The following SH3BGRL variants were observed in gnomAD, a reference collection of about 807,000 sequenced individuals.
SH3BGRL encodes adapter SH3BGRL.
A neutral mutation model predicts 9.8 loss-of-function variants in SH3BGRL; 7 were observed. The ratio of observed to expected loss-of-function variants is 0.72; its 90% confidence interval spans 0.41 to 1.35. The LOEUF (loss-of-function observed/expected upper bound fraction) is 1.35. SH3BGRL is among the 40% of genes most tolerant of loss of function. The pLI, the probability that SH3BGRL is intolerant of heterozygous loss-of-function variation, is 0.01. For missense variants in SH3BGRL, 73 were observed against 84.4 expected, an observed-to-expected ratio of 0.86 and a Z score of 0.53; for synonymous variants, 36 against 29.1, an observed-to-expected ratio of 1.24 and a Z score of -0.76.
At chrX:81,251,244 A>G (rs5959860) in intron 1 of SH3BGRL, among the ~76,000 whole-genome samples, 18,324 of 111,561 alleles carry the variant, frequency 0.16, 1,503 homozygotes, top group East Asian at 0.63. Context: ...AAAAATATTT[A>G]TTAGAATAAC....
At chrX:81,241,169 G>C (rs1163205909) in intron 1 of SH3BGRL, among the ~76,000 whole-genome samples, 1 of 112,274 alleles carries the variant, frequency 8.9e-6, no homozygotes. Flanking sequence ...TTGGGGCGGT[G>C]CTGACACAGC....
intron 1 of SH3BGRL, among the ~76,000 whole-genome samples, chrX:81,253,433 A>C (rs2075716734): frequency 9.0e-6 from 1 of 111,506 alleles, no homozygotes; most frequent in South Asian, 3.8e-4. Flanking sequence ...GGATCACTGC[A>C]GCCTCAATTT....
chrX:81,255,034 C>T (rs369259348), intron 1 of SH3BGRL, among the ~76,000 whole-genome samples: 2 of 109,758 alleles, frequency 1.8e-5, no homozygotes, highest in African/African-American at 3.3e-5. Flanking sequence ...GGACTACAGA[C>T]GTGCGCCACC....
intron 1 of SH3BGRL, among the ~76,000 whole-genome samples, chrX:81,272,746 G>A (rs1054611961): frequency 3.6e-5 from 4 of 110,525 alleles, no homozygotes; most frequent in Non-Finnish European, 5.7e-5. Flanking sequence ...TTATCCGCCC[G>A]CCTCGGCTTC....
At position 81,216,773 on chromosome X, in the gene SH3BGRL, C is replaced by G. The variant is rs2075582458; in HGVS notation, c.45+14528C>G. On this transcript the variant is annotated intron_variant, in intron 1 of 3. Transcript: ENST00000373212. ...TTTAAGTTGTCGCAAATGAAAGGAT[C>G]TCATTCTTTTTATAACTGAGTAATA... 3.6e-5 allele frequency among the ~76,000 whole-genome samples: 4 copies of G among 111,626 alleles called. No homozygotes were observed. In the Admixed American group the frequency reaches 3.8e-4, roughly 11 times the overall value.
chrX:81,241,540 G>C lies in SH3BGRL; in HGVS notation c.46-35444G>C, dbSNP rs990170553. Among the ~76,000 whole-genome samples, 3 of 111,799 alleles carry C rather than the reference G, an allele frequency of 2.7e-5. No homozygotes were observed. The Admixed American group carries it at 2.8e-4, about 10-fold the overall frequency. On this transcript the variant is annotated intron_variant, in intron 1 of 3. Coordinates refer to ENST00000373212, the MANE Select transcript of SH3BGRL (RefSeq NM_003022.3). ...CCCATAAAAACCCCAGACTCAGCCA[G>C]ACTCTGGCAGACATTGGGATTATCA...
intron 3 of SH3BGRL, among the ~76,000 whole-genome samples, chrX:81,293,538 C>T (rs1426875829): frequency 8.9e-6 from 1 of 111,850 alleles, no homozygotes; most frequent in African/African-American, 3.3e-5. Flanking sequence ...CAAAAAGTAG[C>T]TGGGCATGGT....
chrX:81,280,099 A>G (rs1280843043), intron 3 of SH3BGRL, among the ~76,000 whole-genome samples: 1 of 110,475 alleles, frequency 9.1e-6, no homozygotes, highest in Non-Finnish European at 1.9e-5. Flanking sequence ...GACTCAGCAG[A>G]GGAAGCCATC....
At chrX:81,293,907 T>G (rs1208441054) in intron 3 of SH3BGRL, among the ~76,000 whole-genome samples, 1 of 111,757 alleles carries the variant, frequency 8.9e-6, no homozygotes, top group Non-Finnish European at 1.9e-5. Context: ...AAGGTGATTC[T>G]TGATATGTTT....
intron 1 of SH3BGRL, among the ~76,000 whole-genome samples, chrX:81,242,176 T>C (rs768956698): frequency 8.9e-6 from 1 of 112,158 alleles, no homozygotes; most frequent in Non-Finnish European, 1.9e-5. Flanking sequence ...ACTACAGAGC[T>C]ATAATAACCA....
chrX:81,265,968 T>C (rs1347634662), intron 1 of SH3BGRL, among the ~76,000 whole-genome samples: 1 of 112,534 alleles, frequency 8.9e-6, no homozygotes, highest in Non-Finnish European at 1.9e-5. Flanking sequence ...CATTTTTTCA[T>C]GTGTTTGTTG....
chrX:81,277,464 A>C (rs1375752413), intron 2 of SH3BGRL, among the ~76,000 whole-genome samples: 1 of 112,418 alleles, frequency 8.9e-6, no homozygotes, highest in African/African-American at 3.2e-5. Context: ...TCATGTGAAG[A>C]TTCTCTTGCA....
intron 1 of SH3BGRL, among the ~76,000 whole-genome samples, chrX:81,244,319 G>A (rs931552241): frequency 1.8e-5 from 2 of 111,755 alleles, no homozygotes; most frequent in Non-Finnish European, 3.8e-5. Context: ...TTATAGGGCT[G>A]TAATTAAGTA....
chrX:81,273,797 C>T (rs2075788962), intron 1 of SH3BGRL, among the ~76,000 whole-genome samples: 1 of 110,916 alleles, frequency 9.0e-6, no homozygotes. Flanking sequence ...TTTGTCACTC[C>T]CCTTTTTTGA....
intron 1 of SH3BGRL, among the ~76,000 whole-genome samples, chrX:81,253,132 T>A (rs985396387): frequency 6.2e-5 from 7 of 112,291 alleles, no homozygotes; most frequent in South Asian, 3.7e-4. Flanking sequence ...TTGTCTATAC[T>A]TTAAAATGAG....
At chrX:81,283,286 A>G (rs754705579) in intron 3 of SH3BGRL, among the ~76,000 whole-genome samples, 14 of 111,754 alleles carry the variant, frequency 1.3e-4, no homozygotes, top group Non-Finnish European at 2.5e-4. Context: ...CCACAAGATA[A>G]TGAAAGAAGG....
chrX:81,295,140 A>G, intron 3 of SH3BGRL, among the ~76,000 whole-genome samples: 1 of 112,069 alleles, frequency 8.9e-6, no homozygotes, highest in Non-Finnish European at 1.9e-5. Flanking sequence ...GAAATGAGTT[A>G]AGACTTTGTG....
chrX:81,202,415 ATTT>A, intron 1 of SH3BGRL, 170 bp downstream of exon 1: 6 of 826,747 alleles, frequency 7.3e-6, no homozygotes, highest in Admixed American at 5.9e-5. Context: ...CATCGATTTC[ATTT>A]TTTTTTTTTT....
intron 3 of SH3BGRL, among the ~76,000 whole-genome samples, chrX:81,279,888 G>C (rs2075810800): frequency 8.9e-6 from 1 of 111,922 alleles, no homozygotes; most frequent in East Asian, 2.8e-4. Flanking sequence ...GGCAAGGGAA[G>C]AACCAAAACC....
Sources: allele counts gnomAD v4.1 joint callset (sites outside exome capture counted in the v4.1 genomes callset), GRCh38; gene constraint gnomAD v4.1.1; transcripts MANE v1.5; gene names NCBI Gene and HGNC (gene_info 2026-07-23, HGNC 2026-07-21).